The following SLC2A9 variants were observed in gnomAD, a reference collection of about 807,000 sequenced individuals.
SLC2A9 encodes solute carrier family 2 member 9, also known as solute carrier family 2, facilitated glucose transporter member 9.
A neutral mutation model predicts 50.6 loss-of-function variants in SLC2A9; 39 were observed. That is an observed-to-expected ratio of 0.77 (90% CI 0.60 to 1.01). The LOEUF (loss-of-function observed/expected upper bound fraction) is 1.01. SLC2A9 is among the 50% of genes least tolerant of loss of function. SLC2A9 has a pLI of 0.00. For missense variants in SLC2A9, 686 were observed against 677.6 expected (o/e 1.01, Z -0.14); for synonymous variants, 324 against 276.9 (o/e 1.17, Z -1.69).
At chr4:9,947,616 T>C (rs1453842763) in intron 5 of SLC2A9, among the ~76,000 whole-genome samples, 1 of 152,212 alleles carries the variant, frequency 6.6e-6, no homozygotes, top group Non-Finnish European at 1.5e-5. Flanking sequence ...CTAGAGCTAG[T>C]AAACAACCTG....
chr4:10,039,281 T>C (rs1764202553), intron 1 of SLC2A9, among the ~76,000 whole-genome samples: 1 of 152,290 alleles, frequency 6.6e-6, no homozygotes, highest in East Asian at 1.9e-4. Context: ...GCACATGCAG[T>C]GTGAGCCTTT....
chr4:10,031,540 G>A (rs566887279), intron 1 of SLC2A9, among the ~76,000 whole-genome samples: 22 of 152,376 alleles, frequency 1.4e-4, no homozygotes, highest in East Asian at 1.3e-3. Flanking sequence ...GTAGTCAGAA[G>A]ATGAGTCTTT....
intron 2 of SLC2A9, among the ~76,000 whole-genome samples, chr4:10,003,206 T>C (rs1760157964): frequency 6.6e-6 from 1 of 152,176 alleles, no homozygotes; most frequent in African/African-American, 2.4e-5. Flanking sequence ...TATGGCACTC[T>C]TATAGTAATT....
At chr4:9,977,972 A>G (rs1444296718) in intron 5 of SLC2A9, among the ~76,000 whole-genome samples, 2 of 152,244 alleles carry the variant, frequency 1.3e-5, no homozygotes, top group Admixed American at 1.3e-4. Flanking sequence ...GCACGCAAGT[A>G]AGATGCCATC....
rs544440699 is a variant in SLC2A9, at chr4:10,011,290, T to G, written c.249+7685A>C. Among the ~76,000 whole-genome samples the G allele has an allele frequency of 2.0e-5, 3 of 152,308 alleles. No individual in the cohort carries two copies. In the South Asian group the frequency reaches 6.2e-4, roughly 32 times the overall value. ...CACCCAGGCCTGTATCAGCCCTGTCTGCCCATTTCAGTCCCCAGAGAATGT... is the reference window on the plus strand; with the variant it reads ...CACCCAGGCCTGTATCAGCCCTGTCGGCCCATTTCAGTCCCCAGAGAATGT... On this transcript the variant is annotated intron_variant, in intron 2 of 11. Transcript: ENST00000264784.
chr4:9,772,847 A>T (rs547112393), intron 1 of SLC2A9, among the ~76,000 whole-genome samples: 6 of 150,648 alleles, frequency 4.0e-5, no homozygotes, highest in African/African-American at 9.8e-5. Context: ...TTATACTCTA[A>T]GTTTTAGGGT....
chr4:10,011,217 A>G (rs1761712141), intron 2 of SLC2A9, among the ~76,000 whole-genome samples: 1 of 152,120 alleles, frequency 6.6e-6, no homozygotes, highest in African/African-American at 2.4e-5. Flanking sequence ...GACAACACCC[A>G]TGAGCAAGAG....
downstream of SLC2A9, among the ~76,000 whole-genome samples, chr4:9,777,810 C>A (rs1388329657): frequency 6.6e-6 from 1 of 152,144 alleles, no homozygotes; most frequent in Admixed American, 6.5e-5. Context: ...TAGGAGCCAG[C>A]CCAGGGCTCT....
chr4:9,772,391 G>A (rs1420826655), intron 1 of SLC2A9, among the ~76,000 whole-genome samples: 1 of 152,214 alleles, frequency 6.6e-6, no homozygotes, highest in African/African-American at 2.4e-5. Flanking sequence ...CGACTTCCCT[G>A]TGGACAGGAC....
At chr4:9,917,325 CTTTTTTTTT>C (rs55927201) in intron 7 of SLC2A9, among the ~76,000 whole-genome samples, 1 of 81,800 alleles carries the variant, frequency 1.2e-5, no homozygotes, top group South Asian at 5.0e-4. Flanking sequence ...TTCTTTTTTC[CTTTTTTTTT>C]TTTTTTTTTT....
intron 10 of SLC2A9, 127 bp from the exon 11 acceptor site, chr4:9,835,135 C>A: frequency 7.4e-7 from 1 of 1,356,260 alleles, no homozygotes; most frequent in East Asian, 2.4e-5. Flanking sequence ...GTAGTGGGCC[C>A]CAGTTCCTGA....
intron 5 of SLC2A9, among the ~76,000 whole-genome samples, chr4:9,972,157 T>A (rs4639073): frequency 5.9e-5 from 9 of 151,984 alleles, no homozygotes; most frequent in African/African-American, 9.7e-5. Flanking sequence ...ATTGAAAAAA[T>A]TTGCAACCAT....
chr4:9,792,163 C>CTTTTTTTTTTTTT (rs34289788), intron 3 of SLC2A9, among the ~76,000 whole-genome samples: 17 of 77,218 alleles, frequency 2.2e-4, no homozygotes, highest in Non-Finnish European at 2.6e-4. Flanking sequence ...TTCTATGTTT[C>CTTTTTTTTTTTTT]TTTTTTTTTT....
chr4:9,995,679 G>A (rs3733588), intron 3 of SLC2A9: 108,965 of 152,088 alleles, frequency 0.72, 39,243 homozygotes, highest in Non-Finnish European at 0.76. Context: ...TGTGGTCAAT[G>A]ACAAGAATTT....
chr4:9,976,769 G>C (rs191866008), intron 5 of SLC2A9, among the ~76,000 whole-genome samples: 3 of 152,314 alleles, frequency 2.0e-5, no homozygotes, highest in Non-Finnish European at 4.4e-5. Flanking sequence ...TCCTGGGAGA[G>C]AGTGTCCCAG....
chr4:9,792,315 T>A (rs1720037522), intron 3 of SLC2A9, among the ~76,000 whole-genome samples: 1 of 151,534 alleles, frequency 6.6e-6, no homozygotes, highest in Non-Finnish European at 1.5e-5. Flanking sequence ...TAGCTGGGAT[T>A]ATAGGCATGC....
intron 10 of SLC2A9, among the ~76,000 whole-genome samples, chr4:9,868,974 C>T (rs1732965712): frequency 1.3e-5 from 2 of 152,150 alleles, no homozygotes; most frequent in African/African-American, 4.8e-5. Flanking sequence ...GGAATGTTTT[C>T]CTTCCTCCAA....
chr4:10,023,075 C>T (rs1230706221), upstream of SLC2A9, among the ~76,000 whole-genome samples: 2 of 152,152 alleles, frequency 1.3e-5, no homozygotes, highest in African/African-American at 2.4e-5. Flanking sequence ...CCTAAAAAGG[C>T]GGAGGATTCC....
chr4:9,934,692 G>A (rs1198347420), intron 6 of SLC2A9, among the ~76,000 whole-genome samples: 1 of 152,212 alleles, frequency 6.6e-6, no homozygotes, highest in Admixed American at 6.5e-5. Context: ...TGTGCAGAAT[G>A]TACAGGTTTG....
Sources: gnomAD v4.1 joint callset for allele counts (sites outside exome capture counted in the v4.1 genomes callset) on GRCh38, gnomAD v4.1.1 for gene constraint, MANE v1.5 for transcripts, NCBI Gene and HGNC (gene_info 2026-07-23, HGNC 2026-07-21) for gene names.